Variants in LRP6 observed in about 807,000 individuals in gnomAD.
LRP6 encodes the protein low-density lipoprotein receptor-related protein 6.
Under a neutral mutation model 184.1 loss-of-function variants are expected in LRP6, and 43 were observed. The observed-to-expected ratio is 0.23, with a 90% confidence interval of 0.18 to 0.30. LRP6 has a LOEUF of 0.30. LRP6 is among the 10% of genes least tolerant of loss of function. The pLI is 1.00. For synonymous variants in LRP6, 719 were observed against 684.9 expected (o/e 1.05, Z -0.78); for missense variants, 1,571 against 2,005.3 (o/e 0.78, Z 4.14).
intron 2 of LRP6, among the ~76,000 whole-genome samples, chr12:12,237,552 A>G (rs542472320): frequency 6.6e-6 from 1 of 152,376 alleles, no homozygotes; most frequent in African/African-American, 2.4e-5. Flanking sequence ...AAAAACTAGC[A>G]GACAAAACCA....
At position 12,165,270 on chromosome 12, in the gene LRP6, C is replaced by A. The variant is rs776357978; in HGVS notation, c.1571G>T (p.Arg524Ile). Residue 524 changes from arginine to isoleucine, a missense_variant, in exon 8 of 23, where the codon AGA (arginine) becomes ATA (isoleucine). Arg to Ile is a moderately conservative substitution (Grantham distance 97, BLOSUM62 -3). This residue lies in a region of LRP6 where 640 missense variants were observed against 851.9 expected (regional missense o/e 0.75). Transcript: ENST00000261349. ...IEVMNTDGTG[R>I]RVLVEDKIPH... ...AATTTTGTCTTCCACTAGTACTCGT[C>A]TCCCAGTGCCATCAGTATTCATAAC... 6.2e-7 allele frequency: 1 copy of A among 1,613,382 alleles called. No homozygotes were observed. Among genetic ancestry groups the A allele is most frequent in the South Asian group, 1.1e-5 (1 of 91,066 alleles).
chr12:12,262,773 T>A (rs991971002), intron 1 of LRP6, among the ~76,000 whole-genome samples: 5 of 152,192 alleles, frequency 3.3e-5, no homozygotes, highest in African/African-American at 1.2e-4. Flanking sequence ...TTACTCACCA[T>A]CAGTACCAGA....
At chr12:12,130,723 A>G in intron 19 of LRP6, 60 bp downstream of exon 19, 1 of 1,038,112 alleles carries the variant, frequency 9.6e-7, no homozygotes, top group Non-Finnish European at 1.5e-6. Flanking sequence ...CTCACACATA[A>G]GAAAAAAAAT....
chr12:12,141,000 T>A (rs1949926596), intron 15 of LRP6, among the ~76,000 whole-genome samples: 1 of 152,168 alleles, frequency 6.6e-6, no homozygotes, highest in East Asian at 1.9e-4. Context: ...TCCAGCAAAC[T>A]GAGAAAAGAA....
chr12:12,202,259 T>G (rs1190923152), intron 3 of LRP6, among the ~76,000 whole-genome samples: 1 of 152,244 alleles, frequency 6.6e-6, no homozygotes, highest in African/African-American at 2.4e-5. Flanking sequence ...AATAAAGTTT[T>G]ACACCAGGTG....
intron 2 of LRP6, among the ~76,000 whole-genome samples, chr12:12,224,569 C>T (rs1470955109): frequency 2.6e-5 from 4 of 152,122 alleles, no homozygotes; most frequent in Non-Finnish European, 4.4e-5. Context: ...TATTTTACAA[C>T]CGAGTTCTCT....
chr12:12,171,417 G>A (rs1863039373), intron 7 of LRP6, among the ~76,000 whole-genome samples: 1 of 152,044 alleles, frequency 6.6e-6, no homozygotes, highest in Non-Finnish European at 1.5e-5. Flanking sequence ...AGCTACTCAG[G>A]AGGTTGAGGC....
At chr12:12,216,257 A>C (rs1864340802) in intron 2 of LRP6, among the ~76,000 whole-genome samples, 1 of 152,208 alleles carries the variant, frequency 6.6e-6, no homozygotes, top group Admixed American at 6.5e-5. Flanking sequence ...AAAAGCTATT[A>C]GATTTCTGAA....
chr12:12,137,066 T>A (rs10772533), intron 16 of LRP6, among the ~76,000 whole-genome samples: 128,182 of 152,138 alleles, frequency 0.84, 54,150 homozygotes, highest in East Asian at 0.93. Flanking sequence ...TAATTCTCAA[T>A]TACTTGTAAC....
chr12:12,186,002 C>T (rs1448838045), intron 4 of LRP6, among the ~76,000 whole-genome samples: 2 of 151,976 alleles, frequency 1.3e-5, no homozygotes, highest in Non-Finnish European at 2.9e-5. Flanking sequence ...CACGCCACCA[C>T]GCCTGGCTAA....
chr12:12,121,142 C>T lies in LRP6; in HGVS notation c.4826G>A (p.Cys1609Tyr), dbSNP rs145105792. 1 of 1,611,844 alleles carries T rather than the reference C, an allele frequency of 6.2e-7. No homozygotes were observed. The highest frequency in any genetic ancestry group is 2.2e-5 in the East Asian group (1 of 44,856). Residue 1609 changes from cysteine (C) to tyrosine (Y), a missense_variant, in exon 23 of 23, where the codon TGT (cysteine) becomes TAT (tyrosine). Around this residue, in one of 4 missense-constraint regions of LRP6, gnomAD observed 763 missense variants for 859.5 expected, o/e 0.89. Coordinates refer to ENST00000261349, the MANE Select transcript of LRP6 (RefSeq NM_002336.3). ...HHLYPPPPSP[C>Y]TDSS ...GGCCCCTCCTCAGGAGGAGTCTGTA[C>T]AGGGAGAGGGTGGCGGTGGGTAGAG... is the stretch of plus-strand genomic sequence containing the variant.
chr12:12,253,854 G>T (rs1459680234), intron 1 of LRP6, among the ~76,000 whole-genome samples: 1 of 151,990 alleles, frequency 6.6e-6, no homozygotes. Context: ...CAATAAAAAA[G>T]GGCTATGGGC....
intron 4 of LRP6, among the ~76,000 whole-genome samples, chr12:12,185,825 T>TG (rs1298798191): frequency 4.3e-5 from 5 of 117,450 alleles, no homozygotes; most frequent in Non-Finnish European, 7.8e-5. Flanking sequence ...AAGAGGCGTT[T>TG]TTGTGTGTGT....
intron 2 of LRP6, among the ~76,000 whole-genome samples, chr12:12,207,622 A>G (rs529734492): frequency 2.6e-5 from 4 of 152,304 alleles, no homozygotes; most frequent in African/African-American, 9.6e-5. Flanking sequence ...AAAATAGCAA[A>G]CTAGCCAGAA....
intron 2 of LRP6, among the ~76,000 whole-genome samples, chr12:12,215,077 G>GC (rs1249716730): frequency 3.3e-5 from 5 of 152,214 alleles, no homozygotes; most frequent in African/African-American, 1.2e-4. Flanking sequence ...AGCACCCATG[G>GC]CAATACTTGT....
At chr12:12,249,417 G>A in intron 1 of LRP6, 2 of 807,138 alleles carry the variant, frequency 2.5e-6, no homozygotes, top group Non-Finnish European at 2.2e-6. Flanking sequence ...CAAGGACAGT[G>A]TTACAGCAAC....
chr12:12,139,172 A>G (rs995346458), intron 15 of LRP6, among the ~76,000 whole-genome samples: 1 of 152,244 alleles, frequency 6.6e-6, no homozygotes, highest in Non-Finnish European at 1.5e-5. Context: ...CTTTTTCATA[A>G]CAGTCCTTCA....
intron 2 of LRP6, among the ~76,000 whole-genome samples, chr12:12,240,007 A>C (rs1215703583): frequency 1.3e-5 from 2 of 151,384 alleles, no homozygotes; most frequent in East Asian, 3.9e-4. Flanking sequence ...AAAAAAAAAA[A>C]CCCTACATTA....
At position 12,237,593 on chromosome 12, in the gene LRP6, G is replaced by A. The variant is rs532530817; in HGVS notation, c.449+6669C>T. 2.4e-4 allele frequency among the ~76,000 whole-genome samples: 36 copies of A among 152,288 alleles called. 1 individual carries two copies. The South Asian group carries it at 6.9e-3, about 29-fold the overall frequency. Reference sequence around the variant, plus strand: ...AAGTGATCAACTGTAACATCACCTAGTATCCACATAATGTGCCTGCTGACA... The same window carrying A: ...AAGTGATCAACTGTAACATCACCTAATATCCACATAATGTGCCTGCTGACA... On this transcript the variant is annotated intron_variant, in intron 2 of 22. Coordinates refer to ENST00000261349, the MANE Select transcript of LRP6 (RefSeq NM_002336.3).
Sources: gnomAD v4.1 joint callset for allele counts (sites outside exome capture counted in the v4.1 genomes callset) on GRCh38, gnomAD v4.1.1 for gene constraint, gnomAD v4.1.1 regional missense constraint, MANE v1.5 for transcripts, NCBI Gene and HGNC (gene_info 2026-07-23, HGNC 2026-07-21) for gene names.